IGF2BP2: variants seen among roughly 807,000 people sequenced by gnomAD.
IGF2BP2 encodes insulin-like growth factor 2 mRNA-binding protein 2.
Under a neutral mutation model 75.8 loss-of-function variants are expected in IGF2BP2, and 17 were observed. The ratio of observed to expected loss-of-function variants is 0.22; its 90% CI spans 0.15 to 0.34. The LOEUF (loss-of-function observed/expected upper bound fraction) is 0.34. Ranked by LOEUF, IGF2BP2 falls within the 10% of genes least tolerant of loss-of-function variation. The pLI, the probability that IGF2BP2 is intolerant of heterozygous loss-of-function variation, is 1.00. For synonymous variants in IGF2BP2, 288 were observed against 295.6 expected, an observed-to-expected ratio of 0.97 and a Z score of 0.26; for missense variants, 516 against 772.4, an observed-to-expected ratio of 0.67 and a Z score of 3.93.
At chr3:185,789,142 G>T (rs1162960988) in intron 2 of IGF2BP2, among the ~76,000 whole-genome samples, 1 of 152,184 alleles carries the variant, frequency 6.6e-6, no homozygotes, top group African/African-American at 2.4e-5. Flanking sequence ...ACAGGCACCA[G>T]CATCAACAAA....
chr3:185,798,755 G>A (rs930863829), intron 2 of IGF2BP2, among the ~76,000 whole-genome samples: 1 of 151,014 alleles, frequency 6.6e-6, no homozygotes, highest in Non-Finnish European at 1.5e-5. Flanking sequence ...AAAACCCTGA[G>A]TAAGCAAAAT....
chr3:185,688,179 C>G (rs1386926605), intron 6 of IGF2BP2, among the ~76,000 whole-genome samples: 7 of 152,052 alleles, frequency 4.6e-5, no homozygotes, highest in Non-Finnish European at 1.5e-5. Context: ...TACAAGACAC[C>G]CACTGAATGA....
At position 185,692,707 on chromosome 3, in the gene IGF2BP2, T is replaced by A. The variant is rs1457354273; in HGVS notation, c.396A>T (p.Glu132Asp). The A allele has an allele frequency of 2.5e-6, 4 of 1,613,362 alleles. No individual in the cohort carries two copies. Among genetic ancestry groups the A allele is most frequent in the Middle Eastern group, 1.7e-4 (1 of 6,060 alleles). Residue 132 changes from glutamate to aspartate, a missense_variant, in exon 5 of 16, where the codon GAA becomes GAT. Glu to Asp is a conservative substitution (Grantham distance 45, BLOSUM62 2). Transcript: ENST00000382199. ...AGCCCAAATCTGCTTACATTTTTGC[T>A]TCTTCTCTTGTTGCATATGTGACGT... The part of the protein sequence containing the change: ...VVNVTYATRE[E>D]AKIAMEKLSG...
chr3:185,689,169 T>G, intron 6 of IGF2BP2, 186 bp downstream of exon 6: 1 of 624,496 alleles, frequency 1.6e-6, no homozygotes, highest in Non-Finnish European at 2.7e-6. Flanking sequence ...CCTCTCAGCA[T>G]GAAAGCTTGT....
At chr3:185,793,544 C>A (rs1008285611) in intron 2 of IGF2BP2, among the ~76,000 whole-genome samples, 11 of 152,104 alleles carry the variant, frequency 7.2e-5, no homozygotes, top group African/African-American at 2.4e-4. Context: ...CTACATGAAA[C>A]CTCAGGGGAC....
chr3:185,675,004 CTTTTCTT>C (rs1289560035), intron 9 of IGF2BP2: 113 of 159,712 alleles, frequency 7.1e-4, no homozygotes, highest in African/African-American at 3.6e-3. Context: ...GTTATTCTTG[CTTTTCTT>C]TTTTTTTTTT....
intron 12 of IGF2BP2, among the ~76,000 whole-genome samples, chr3:185,655,698 C>A (rs1295797589): frequency 6.6e-6 from 1 of 152,206 alleles, no homozygotes; most frequent in Non-Finnish European, 1.5e-5. Context: ...TGGGATGCAG[C>A]CCATGCGACT....
intron 6 of IGF2BP2, among the ~76,000 whole-genome samples, chr3:185,687,871 C>T (rs539356185): frequency 4.6e-5 from 7 of 151,808 alleles, no homozygotes; most frequent in Non-Finnish European, 1.0e-4. Context: ...CTTTGGTTGA[C>T]GTCTAAAAAA....
intron 7 of IGF2BP2, among the ~76,000 whole-genome samples, chr3:185,683,425 C>G (rs1487346046): frequency 6.8e-6 from 1 of 146,482 alleles, no homozygotes; most frequent in Non-Finnish European, 1.5e-5. Flanking sequence ...TTTTTTTTTT[C>G]TGAGATGGAG....
intron 5 of IGF2BP2, among the ~76,000 whole-genome samples, chr3:185,692,444 A>G (rs915785215): frequency 6.6e-6 from 1 of 152,150 alleles, no homozygotes; most frequent in African/African-American, 2.4e-5. Context: ...AAGTCTCTAC[A>G]CAATCCACAA....
At chr3:185,707,359 G>A (rs2149399830) in intron 2 of IGF2BP2, among the ~76,000 whole-genome samples, 1 of 131,640 alleles carries the variant, frequency 7.6e-6, no homozygotes, top group South Asian at 2.4e-4. Context: ...CCAGGCTAGA[G>A]GGCACTGGCG....
chr3:185,795,458 C>G (rs1468399414), intron 2 of IGF2BP2, among the ~76,000 whole-genome samples: 2 of 152,142 alleles, frequency 1.3e-5, no homozygotes, highest in Non-Finnish European at 2.9e-5. Flanking sequence ...TGTTCTAGTC[C>G]CTGCTTTCAA....
intron 2 of IGF2BP2, among the ~76,000 whole-genome samples, chr3:185,735,376 C>T (rs929347836): frequency 2.6e-5 from 4 of 152,182 alleles, no homozygotes; most frequent in African/African-American, 9.7e-5. Flanking sequence ...GAACTCCTGA[C>T]TTCAGGTGAT....
rs146947933 is a variant in IGF2BP2, at chr3:185,731,539, C to T, written c.240-33192G>A. 1.1e-3 allele frequency among the ~76,000 whole-genome samples: 175 copies of T among 152,196 alleles called. No homozygotes were observed. In the East Asian group the frequency reaches 0.024, roughly 21 times the overall value. On this transcript the variant is annotated intron_variant, in intron 2 of 15. Transcript: ENST00000382199. ...AAGTGCTAAGATAACAGGCGTGAGC[C>T]GCTGCACCAGGTCTGCATCACTTTC... is the stretch of plus-strand genomic sequence containing the variant.
intron 2 of IGF2BP2, among the ~76,000 whole-genome samples, chr3:185,790,962 A>G (rs1379824174): frequency 6.6e-6 from 1 of 152,250 alleles, no homozygotes; most frequent in Admixed American, 6.5e-5. Context: ...TTTTAAAAGT[A>G]CTTTTTCATC....
intron 2 of IGF2BP2, among the ~76,000 whole-genome samples, chr3:185,705,535 T>C (rs1347604885): frequency 6.6e-6 from 1 of 150,970 alleles, no homozygotes; most frequent in Non-Finnish European, 1.5e-5. Flanking sequence ...AGACAGAAAC[T>C]CATGGAAGTT....
intron 7 of IGF2BP2, among the ~76,000 whole-genome samples, chr3:185,686,313 G>A (rs1025948032): frequency 2.0e-5 from 3 of 152,140 alleles, no homozygotes; most frequent in Middle Eastern, 3.4e-3. Context: ...GAACCCAAGA[G>A]GCGGAGGTTG....
intron 12 of IGF2BP2, among the ~76,000 whole-genome samples, chr3:185,652,500 G>A (rs1714766932): frequency 6.6e-6 from 1 of 152,176 alleles, no homozygotes; most frequent in African/African-American, 2.4e-5. Context: ...AAAGCTCTAG[G>A]AAGAGGGATG....
At chr3:185,751,655 AAAAG>A (rs1259369395) in intron 2 of IGF2BP2, among the ~76,000 whole-genome samples, 2 of 151,630 alleles carry the variant, frequency 1.3e-5, no homozygotes, top group African/African-American at 2.4e-5. Context: ...CAAAAAAAAG[AAAAG>A]AAAGAAACAT....
Sources: gnomAD v4.1 joint callset for allele counts (sites outside exome capture counted in the v4.1 genomes callset) on GRCh38, gnomAD v4.1.1 for gene constraint, MANE v1.5 for transcripts, NCBI Gene and HGNC (gene_info 2026-07-23, HGNC 2026-07-21) for gene names.